NPL: variants seen among roughly 807,000 people sequenced by gnomAD.
NPL encodes N-acetylneuraminate lyase.
NPL carries 32 observed loss-of-function variants against 41.1 expected under a neutral mutation model. That is an observed-to-expected ratio of 0.78 (90% CI 0.59 to 1.05). The LOEUF (loss-of-function observed/expected upper bound fraction) is 1.05, where lower values mean the gene tolerates loss of function less well. NPL is among the 50% of genes least tolerant of loss of function. The pLI is 0.00. For missense variants in NPL, 321 were observed against 378.4 expected, an observed-to-expected ratio of 0.85 and a Z score of 1.26; for synonymous variants, 128 against 134.9, an observed-to-expected ratio of 0.95 and a Z score of 0.35.
chr1:182,820,600 G>A (rs192138486), intron 10 of NPL, among the ~76,000 whole-genome samples: 7 of 152,322 alleles, frequency 4.6e-5, no homozygotes, highest in African/African-American at 1.7e-4. Context: ...GCATGGCAGC[G>A]TGTGCTTGGC....
At chr1:182,807,542 A>G (rs2102544754) in intron 5 of NPL, among the ~76,000 whole-genome samples, 1 of 152,100 alleles carries the variant, frequency 6.6e-6, no homozygotes, top group Non-Finnish European at 1.5e-5. Flanking sequence ...ATTAAGGACC[A>G]TGGGCAGAGT....
intron 6 of NPL, among the ~76,000 whole-genome samples, chr1:182,813,459 C>T (rs1403074732): frequency 1.3e-5 from 2 of 152,138 alleles, no homozygotes; most frequent in African/African-American, 4.8e-5. Flanking sequence ...TTGATTTATT[C>T]CTCTTACATT....
chr1:182,804,787 A>G (rs1557944032), intron 4 of NPL, among the ~76,000 whole-genome samples: 1 of 152,166 alleles, frequency 6.6e-6, no homozygotes, highest in Non-Finnish European at 1.5e-5. Context: ...TTGTGTGGAA[A>G]AAGTGTCCTG....
chr1:182,796,896 G>A lies in NPL; in HGVS notation c.68+2457G>A, dbSNP rs148179576. On this transcript the variant is annotated intron_variant, in intron 3 of 12. Transcript: ENST00000367553. ...CTAAAAATACAAAAATTAGCCTGGC[G>A]TGGTGGCGCACACCTGTAGTTCCAG... 4.3e-3 allele frequency among the ~76,000 whole-genome samples: 652 copies of A among 152,136 alleles called. 3 individuals carry two copies. The highest frequency in any genetic ancestry group is 6.0e-3 in the Non-Finnish European group (411 of 67,990).
At chr1:182,795,966 G>A (rs746466291) in intron 3 of NPL, 4 of 152,018 alleles carry the variant, frequency 2.6e-5, no homozygotes, top group Non-Finnish European at 5.9e-5. Context: ...AGGGACCCAC[G>A]GACAATGTCA....
chr1:182,825,561 G>T (rs1343339480), intron 11 of NPL, among the ~76,000 whole-genome samples: 1 of 152,046 alleles, frequency 6.6e-6, no homozygotes, highest in African/African-American at 2.4e-5. Flanking sequence ...CTTCTTTTCT[G>T]CACGGGCCCA....
intron 3 of NPL, 86 bp downstream of exon 3, chr1:182,794,525 C>A: frequency 7.7e-7 from 1 of 1,307,068 alleles, no homozygotes; most frequent in Non-Finnish European, 1.1e-6. Context: ...TCACTTAAGA[C>A]CCTGCACCTC....
intron 3 of NPL, among the ~76,000 whole-genome samples, chr1:182,799,183 G>T (rs1666762716): frequency 6.6e-6 from 1 of 152,166 alleles, no homozygotes; most frequent in Non-Finnish European, 1.5e-5. Context: ...GAGTCTACCT[G>T]CAGTTTCACA....
intron 3 of NPL, among the ~76,000 whole-genome samples, chr1:182,799,858 T>C (rs904907704): frequency 4.6e-5 from 7 of 151,760 alleles, no homozygotes; most frequent in Admixed American, 2.0e-4. Flanking sequence ...ACAGCAAGCA[T>C]GGAATTTGGT....
chr1:182,803,826 A>G, intron 4 of NPL, 55 bp downstream of exon 4: 3 of 1,226,714 alleles, frequency 2.4e-6, no homozygotes, highest in Non-Finnish European at 3.6e-6. Context: ...TTTAGAAGGT[A>G]TATCTTACCT....
At chr1:182,804,661 T>C (rs1364287844) in intron 4 of NPL, among the ~76,000 whole-genome samples, 1 of 152,186 alleles carries the variant, frequency 6.6e-6, no homozygotes, top group African/African-American at 2.4e-5. Flanking sequence ...TCTCGGACCC[T>C]TGGATGCATT....
At chr1:182,808,829 T>A (rs1354055650) in intron 5 of NPL, among the ~76,000 whole-genome samples, 1 of 151,922 alleles carries the variant, frequency 6.6e-6, no homozygotes, top group African/African-American at 2.4e-5. Flanking sequence ...CATAGTGGTA[T>A]GCCCCTGTGG....
chr1:182,801,361 C>T (rs1267545780), intron 3 of NPL, among the ~76,000 whole-genome samples: 1 of 152,172 alleles, frequency 6.6e-6, no homozygotes, highest in Non-Finnish European at 1.5e-5. Context: ...AATAGCCTGC[C>T]TCCCAGCAAG....
In NPL at chr1:182,794,400, G is replaced by A. The variant is rs777038133; in HGVS notation, c.29G>A (p.Gly10Asp). 1 of 1,614,154 alleles carries A rather than the reference G, an allele frequency of 6.2e-7. No individual in the cohort carries two copies. The highest frequency in any genetic ancestry group is 8.5e-7 in the Non-Finnish European group (1 of 1,180,022). The change falls in exon 3 of 13, where the codon GGT becomes GAT. Residue 10 changes from glycine (G) to aspartate (D), a missense_variant. By Grantham distance (94) the Gly-to-Asp change is moderately conservative. Transcript: ENST00000367553. Reference sequence around the variant, plus strand: ...GCCTTCCCAAAGAAGAAACTTCAGGGTCTTGTGGCTGCAACCATCACGCCA... The same window carrying A: ...GCCTTCCCAAAGAAGAAACTTCAGGATCTTGTGGCTGCAACCATCACGCCA... MAFPKKKLQ[G>D]LVAATITPMT... is the part of the protein sequence containing the mutation.
chr1:182,829,662 T>C lies in NPL; in HGVS notation c.*754T>C. The C allele has an allele frequency of 6.5e-7, 1 of 1,545,756 alleles. No homozygotes were observed. Among genetic ancestry groups the C allele is most frequent in the Non-Finnish European group, 8.8e-7 (1 of 1,142,224 alleles). On this transcript the variant is annotated 3_prime_UTR_variant, in exon 13 of 13. Transcript: ENST00000367553. The stretch of plus-strand genomic sequence containing the variant: ...GACTCTTCCTCTGGGCACCACAAAC[T>C]TCCCCTTCCTCCACTGAGAAGACTG...
At chr1:182,806,634 G>A in intron 5 of NPL, 6 of 1,304,994 alleles carry the variant, frequency 4.6e-6, no homozygotes, top group Non-Finnish European at 6.2e-6. Context: ...TGCTTGTATT[G>A]GCCCACTTCT....
intron 11 of NPL, among the ~76,000 whole-genome samples, chr1:182,824,524 A>G (rs1339690698): frequency 6.6e-6 from 1 of 152,192 alleles, no homozygotes; most frequent in Non-Finnish European, 1.5e-5. Context: ...AAGGCCGGGC[A>G]CGGTGGCTCA....
intron 5 of NPL, chr1:182,809,843 T>C (rs1385627860): frequency 1.3e-5 from 2 of 151,994 alleles, no homozygotes; most frequent in Non-Finnish European, 2.9e-5. Context: ...TTTCCAACAG[T>C]GGTAGCTGTG....
intron 7 of NPL, among the ~76,000 whole-genome samples, chr1:182,815,376 T>G (rs2102555789): frequency 6.6e-6 from 1 of 152,336 alleles, no homozygotes; most frequent in South Asian, 2.1e-4. Context: ...ATACCAAGTC[T>G]TTTTAATCCT....
Sources: allele counts gnomAD v4.1 joint callset (sites outside exome capture counted in the v4.1 genomes callset), GRCh38; gene constraint gnomAD v4.1.1; transcripts MANE v1.5; gene names NCBI Gene and HGNC (gene_info 2026-07-23, HGNC 2026-07-21).